The following RBFOX1 variants were observed in gnomAD, a reference collection of about 807,000 sequenced individuals.
RBFOX1 encodes the protein RNA binding protein fox-1 homolog 1.
Under a neutral mutation model 57.7 loss-of-function variants are expected in RBFOX1, and 8 were observed. The observed-to-expected ratio is 0.14, with a 90% CI of 0.08 to 0.25. The LOEUF is 0.25. Ranked by LOEUF, RBFOX1 falls within the 10% of genes least tolerant of loss-of-function variation. RBFOX1 has a pLI of 1.00. For synonymous variants in RBFOX1, 326 were observed against 222.4 expected, an observed-to-expected ratio of 1.47 and a Z score of -4.15; for missense variants, 611 against 548.5, an observed-to-expected ratio of 1.11 and a Z score of -1.14.
At chr16:6,265,104 A>G (rs1439097203) in intron 1 of RBFOX1, among the ~76,000 whole-genome samples, 7 of 152,188 alleles carry the variant, frequency 4.6e-5, no homozygotes, top group Non-Finnish European at 1.0e-4. Context: ...TTCAACAACC[A>G]TAACGGAGAC....
intron 4 of RBFOX1, among the ~76,000 whole-genome samples, chr16:7,312,536 G>T (rs1275018933): frequency 1.3e-5 from 2 of 152,168 alleles, no homozygotes; most frequent in Non-Finnish European, 2.9e-5. Context: ...AGACACAAGG[G>T]ACTTGGGTGT....
intron 4 of RBFOX1, among the ~76,000 whole-genome samples, chr16:5,957,181 G>A (rs780779191): frequency 5.3e-5 from 8 of 152,014 alleles, no homozygotes; most frequent in Non-Finnish European, 1.0e-4. Context: ...GATATGCTAC[G>A]ATCACACTAT....
intron 4 of RBFOX1, among the ~76,000 whole-genome samples, chr16:7,131,425 A>G (rs2070367954): frequency 1.5e-5 from 2 of 136,754 alleles, no homozygotes; most frequent in South Asian, 4.9e-4. Flanking sequence ...GTTTTAAGTT[A>G]TAGTTGGCCA....
chr16:7,540,299 C>A (rs1041048539), intron 5 of RBFOX1, among the ~76,000 whole-genome samples: 1 of 152,170 alleles, frequency 6.6e-6, no homozygotes, highest in African/African-American at 2.4e-5. Flanking sequence ...TGTTTAATAA[C>A]TCAAGGTACC....
intron 3 of RBFOX1, among the ~76,000 whole-genome samples, chr16:6,861,630 T>C (rs1461807882): frequency 6.6e-6 from 1 of 152,206 alleles, no homozygotes; most frequent in East Asian, 1.9e-4. Flanking sequence ...ATTGGGTCTT[T>C]ATGTTGCAAT....
chr16:5,466,711 A>G (rs780079292), intron 1 of RBFOX1, among the ~76,000 whole-genome samples: 1 of 152,162 alleles, frequency 6.6e-6, no homozygotes, highest in African/African-American at 2.4e-5. Flanking sequence ...TGCCTCTCCC[A>G]TCACTCGGTT....
chr16:7,258,978 C>G (rs1301376985), intron 4 of RBFOX1, among the ~76,000 whole-genome samples: 3 of 152,192 alleles, frequency 2.0e-5, no homozygotes, highest in East Asian at 1.9e-4. Flanking sequence ...ATATTGCATA[C>G]CTTTCCAAGC....
chr16:7,473,745 AC>A (rs1166925228), intron 4 of RBFOX1, among the ~76,000 whole-genome samples: 3 of 152,084 alleles, frequency 2.0e-5, no homozygotes, highest in Non-Finnish European at 4.4e-5. Flanking sequence ...TCCCTCCCCA[AC>A]CTCCACTTCT....
chr16:6,618,216 C>G (rs1461760617), intron 2 of RBFOX1, among the ~76,000 whole-genome samples: 1 of 152,122 alleles, frequency 6.6e-6, no homozygotes, highest in Non-Finnish European at 1.5e-5. Context: ...AGTGGTCTAC[C>G]CATCACTGAT....
At chr16:5,364,365 CT>C (rs1489722293) in intron 1 of RBFOX1, among the ~76,000 whole-genome samples, 1 of 152,178 alleles carries the variant, frequency 6.6e-6, no homozygotes, top group Admixed American at 6.5e-5. Flanking sequence ...TGTTGTGCAG[CT>C]GTCACTCATT....
intron 5 of RBFOX1, among the ~76,000 whole-genome samples, chr16:7,529,900 T>C (rs1395787403): frequency 6.6e-6 from 1 of 150,894 alleles, no homozygotes; most frequent in East Asian, 2.0e-4. Context: ...TCCCAGCTAC[T>C]TGGGAGGCGG....
intron 4 of RBFOX1, among the ~76,000 whole-genome samples, chr16:7,259,158 C>G (rs772204728): frequency 6.6e-6 from 1 of 152,124 alleles, no homozygotes; most frequent in Non-Finnish European, 1.5e-5. Context: ...GCTGTTGACA[C>G]CACATGACCT....
At chr16:5,364,670 A>G (rs942859406) in intron 1 of RBFOX1, among the ~76,000 whole-genome samples, 2 of 152,176 alleles carry the variant, frequency 1.3e-5, no homozygotes, top group East Asian at 3.9e-4. Context: ...CTCTACACGC[A>G]TCTCGGAAAA....
chr16:5,926,910 A>C (rs972736637), intron 4 of RBFOX1, among the ~76,000 whole-genome samples: 14 of 152,332 alleles, frequency 9.2e-5, no homozygotes, highest in Non-Finnish European at 1.9e-4. Flanking sequence ...AAGTTTATAC[A>C]GTTTGGGAAG....
At chr16:5,358,220 C>T (rs1358606911) in intron 1 of RBFOX1, among the ~76,000 whole-genome samples, 1 of 152,034 alleles carries the variant, frequency 6.6e-6, no homozygotes, top group Non-Finnish European at 1.5e-5. Context: ...ATTAGCTAGG[C>T]CTTCTCCCTG....
At chr16:7,698,377 G>A (rs752992670) in intron 14 of RBFOX1, among the ~76,000 whole-genome samples, 5 of 151,994 alleles carry the variant, frequency 3.3e-5, no homozygotes, top group Admixed American at 6.6e-5. Flanking sequence ...GGTAGGGTCT[G>A]CAAGAAAGCC....
chr16:6,158,220 C>A (rs991984917), intron 1 of RBFOX1, among the ~76,000 whole-genome samples: 1 of 152,140 alleles, frequency 6.6e-6, no homozygotes, highest in East Asian at 1.9e-4. Context: ...AACTGTCCGG[C>A]GGGGCCTTGG....
intron 3 of RBFOX1, among the ~76,000 whole-genome samples, chr16:6,703,503 G>C (rs1255403528): frequency 1.7e-5 from 2 of 116,946 alleles, no homozygotes. Flanking sequence ...CTTGAGCTCA[G>C]CAGTTCAAGG....
intron 4 of RBFOX1, among the ~76,000 whole-genome samples, chr16:7,156,041 A>G (rs368385381): frequency 6.6e-6 from 1 of 151,940 alleles, no homozygotes; most frequent in Admixed American, 6.6e-5. Flanking sequence ...GCACACAGGT[A>G]TATAGGTATA....
Sources: gnomAD v4.1 joint callset for allele counts (sites outside exome capture counted in the v4.1 genomes callset) on GRCh38, gnomAD v4.1.1 for gene constraint, MANE v1.5 for transcripts, NCBI Gene and HGNC (gene_info 2026-07-23, HGNC 2026-07-21) for gene names.